TTC17: variants seen among roughly 807,000 people sequenced by gnomAD.
TTC17 encodes tetratricopeptide repeat protein 17.
TTC17 carries 58 observed loss-of-function variants against 143.8 expected under a neutral mutation model. The observed-to-expected ratio is 0.40, with a 90% CI of 0.33 to 0.50. TTC17 has a LOEUF of 0.50. TTC17 is among the 20% of genes least tolerant of loss of function. The pLI is 0.49. For synonymous variants in TTC17, 501 were observed against 497.8 expected (o/e 1.01, Z -0.09); for missense variants, 1,273 against 1,392.5 (o/e 0.91, Z 1.37).
intron 21 of TTC17, among the ~76,000 whole-genome samples, chr11:43,489,204 C>T (rs1441189231): frequency 6.6e-6 from 1 of 152,058 alleles, no homozygotes; most frequent in Non-Finnish European, 1.5e-5. Flanking sequence ...TACCAACAGA[C>T]AAGACAAAAA....
At chr11:43,470,242 C>A (rs1159116036) in intron 21 of TTC17, among the ~76,000 whole-genome samples, 1 of 152,210 alleles carries the variant, frequency 6.6e-6, no homozygotes, top group Non-Finnish European at 1.5e-5. Flanking sequence ...CAGAGGTATA[C>A]CTCCAGAGTG....
chr11:43,414,767 G>A lies in TTC17; in HGVS notation c.2242G>A (p.Val748Ile), dbSNP rs1208956150. The A allele has an allele frequency of 3.7e-6, 6 of 1,612,772 alleles. No homozygotes were observed. The highest frequency in any genetic ancestry group is 1.3e-5 in the African/African-American group (1 of 74,968). Residue 748 changes from valine to isoleucine, a missense_variant, in exon 16 of 24, where the codon GTT becomes ATT. Physicochemically the swap from Val to Ile is conservative, Grantham distance 29. Coordinates refer to ENST00000039989, the MANE Select transcript of TTC17 (RefSeq NM_018259.6). ...TTTTCTGTACAACATCACTTCTTCT[G>A]TTTGCAGTGGTAAGCAGCTTTCAAA... Reference protein sequence around the residue: ...YPFLYNITSSVCSGTVVEESN... With the variant: ...YPFLYNITSSICSGTVVEESN...
At chr11:43,481,343 T>C (rs1378378551) in intron 21 of TTC17, among the ~76,000 whole-genome samples, 1 of 152,196 alleles carries the variant, frequency 6.6e-6, no homozygotes, top group Non-Finnish European at 1.5e-5. Flanking sequence ...TGAGGGATAT[T>C]GGTCTGTGGT....
At chr11:43,368,205 T>C (rs895125742) in intron 1 of TTC17, among the ~76,000 whole-genome samples, 1 of 152,210 alleles carries the variant, frequency 6.6e-6, no homozygotes, top group Non-Finnish European at 1.5e-5. Context: ...TCTGTACATA[T>C]GTTCACCAGA....
chr11:43,469,526 A>C (rs780953234), intron 21 of TTC17, among the ~76,000 whole-genome samples: 1 of 152,260 alleles, frequency 6.6e-6, no homozygotes, highest in Admixed American at 6.5e-5. Context: ...GATACTGTTC[A>C]GCAAAAAAGA....
chr11:43,404,901 C>T (rs916256884), intron 11 of TTC17, among the ~76,000 whole-genome samples: 1 of 151,966 alleles, frequency 6.6e-6, no homozygotes, highest in African/African-American at 2.4e-5. Context: ...GACCTTAGTT[C>T]AGGGAAAAGT....
At chr11:43,423,447 A>G (rs886129318) in intron 16 of TTC17, among the ~76,000 whole-genome samples, 3 of 152,196 alleles carry the variant, frequency 2.0e-5, no homozygotes, top group Non-Finnish European at 4.4e-5. Flanking sequence ...AAATACTAAC[A>G]TTTAAGGAAC....
At position 43,492,079 on chromosome 11, in the gene TTC17, C is replaced by A. The variant is rs758988696; in HGVS notation, c.3210C>A (p.Ala1070=). 1 of 1,614,068 alleles carries A rather than the reference C, an allele frequency of 6.2e-7. No homozygotes were observed. The highest frequency in any genetic ancestry group is 1.7e-5 in the Admixed American group (1 of 60,006). ...ILHNAKLWND[A]VIVATMAVEI... is the part of the protein sequence containing the mutation. ...ACAATGCCAAGCTCTGGAATGACGC[C>A]GTCATAGTAGCCACCATGGCAGTAG... is the stretch of plus-strand genomic sequence containing the variant. The change falls in exon 23 of 24, where the codon GCC becomes GCA. Residue 1070 remains alanine (A), a synonymous_variant. Coordinates refer to ENST00000039989, the MANE Select transcript of TTC17 (RefSeq NM_018259.6).
intron 16 of TTC17, among the ~76,000 whole-genome samples, chr11:43,415,431 A>G (rs1272761781): frequency 2.0e-5 from 3 of 152,188 alleles, no homozygotes; most frequent in African/African-American, 4.8e-5. Flanking sequence ...ATAAGAAAAA[A>G]TAAAATCGTG....
intron 21 of TTC17, among the ~76,000 whole-genome samples, chr11:43,470,532 A>G (rs1253402481): frequency 6.6e-6 from 1 of 152,216 alleles, no homozygotes; most frequent in Non-Finnish European, 1.5e-5. Flanking sequence ...ATTTACAATC[A>G]TCTCAGTCCA....
intron 16 of TTC17, among the ~76,000 whole-genome samples, chr11:43,425,377 A>G (rs750250721): frequency 2.0e-5 from 3 of 152,114 alleles, no homozygotes; most frequent in Non-Finnish European, 2.9e-5. Context: ...AACCTATTCT[A>G]CGTTGGTAGA....
In TTC17 at chr11:43,448,003, A is replaced by G. The variant is rs1947581299; in HGVS notation, c.2667A>G (p.Gly889=). The change falls in exon 19 of 24, where the codon GGA becomes GGG. Residue 889 remains glycine, a splice_region_variant and synonymous_variant. Coordinates refer to ENST00000039989, the MANE Select transcript of TTC17 (RefSeq NM_018259.6). ...ATTCATGGCATACTTTCCTTCCAGG[A>G]AAAAAACGTGACTACCAGCGTCTGG... is the stretch of plus-strand genomic sequence containing the variant. The part of the protein sequence containing the change: ...GPKVASPGPQ[G]KKRDYQRLGW... 2 of 1,613,200 alleles carry G rather than the reference A, an allele frequency of 1.2e-6. No homozygotes were observed. The highest frequency in any genetic ancestry group is 2.7e-5 in the African/African-American group (2 of 74,988).
Position 43,396,705 on chromosome 11 carries a change from C to T in TTC17, c.664-4C>T. 6.5e-7 allele frequency: 1 copy of T among 1,548,134 alleles called. No homozygotes were observed. The highest frequency in any genetic ancestry group is 8.8e-7 in the Non-Finnish European group (1 of 1,134,556). On this transcript the variant is annotated splice_region_variant and splice_polypyrimidine_tract_variant and intron_variant, in intron 5 of 23. Transcript: ENST00000039989. ...GTTTGTAATTTTACTTTTTTAATCT[C>T]TAGAACACTTCCTCGTGGGTACTGT...
At chr11:43,450,939 T>G (rs899289859) in intron 20 of TTC17, among the ~76,000 whole-genome samples, 1 of 152,206 alleles carries the variant, frequency 6.6e-6, no homozygotes, top group African/African-American at 2.4e-5. Context: ...TACTCTGTGT[T>G]CTAGTGTTGC....
rs1235656830 is a variant in TTC17, at chr11:43,405,429, TGTA to T, written c.1480-81_1480-79del. 65 of 945,724 alleles carry T rather than the reference TGTA, an allele frequency of 6.9e-5. 1 individual carries two copies. In the African/African-American group the frequency reaches 9.1e-4, roughly 13 times the overall value. The allele number at this position is 945,724 out of a possible 1,614,324, so 58.6% of individuals were successfully genotyped here. A position where few individuals can be genotyped will look rare whatever the true frequency, so the allele number is the denominator to read the frequency against. On this transcript the variant is annotated intron_variant, in intron 11 of 23. Coordinates refer to ENST00000039989, the MANE Select transcript of TTC17 (RefSeq NM_018259.6). Reference sequence around the variant, plus strand: ...AGATATTATAGTTTTGTTCAATTATTGTAGTATATCATTTTAAAAGTTTATTTA... The same window carrying T: ...AGATATTATAGTTTTGTTCAATTATTGTATATCATTTTAAAAGTTTATTTA...
chr11:43,473,882 C>CAAAAAAA (rs781437584), intron 21 of TTC17, among the ~76,000 whole-genome samples: 1 of 60,674 alleles, frequency 1.6e-5, no homozygotes. Flanking sequence ...GACTCTGTCT[C>CAAAAAAA]AAAAAAAAAA....
At chr11:43,442,486 C>T (rs1395116944) in intron 16 of TTC17, among the ~76,000 whole-genome samples, 1 of 152,138 alleles carries the variant, frequency 6.6e-6, no homozygotes, top group Non-Finnish European at 1.5e-5. Context: ...ATGGAATGCA[C>T]AGTGTAACAT....
intron 1 of TTC17, among the ~76,000 whole-genome samples, chr11:43,361,426 A>G (rs1228080437): frequency 6.6e-6 from 1 of 152,242 alleles, no homozygotes; most frequent in Non-Finnish European, 1.5e-5. Context: ...AATGCATTTA[A>G]TGTACCTACC....
chr11:43,472,849 A>C (rs1012603004), intron 21 of TTC17, among the ~76,000 whole-genome samples: 78 of 151,940 alleles, frequency 5.1e-4, no homozygotes, highest in African/African-American at 1.8e-3. Context: ...GCTAAAAAAA[A>C]AAAAAAAAAG....
Sources: allele counts gnomAD v4.1 joint callset (sites outside exome capture counted in the v4.1 genomes callset), GRCh38; gene constraint gnomAD v4.1.1; transcripts MANE v1.5; gene names NCBI Gene and HGNC (gene_info 2026-07-23, HGNC 2026-07-21).